FKBP15: variants seen among roughly 807,000 people sequenced by gnomAD.
FKBP15 encodes the protein FK506-binding protein 15.
Under a neutral mutation model 158.1 loss-of-function variants are expected in FKBP15, and 106 were observed. The ratio of observed to expected loss-of-function variants is 0.67; its 90% CI spans 0.57 to 0.79. The LOEUF is 0.79. Ranked by LOEUF, FKBP15 falls within the 30% of genes least tolerant of loss-of-function variation. FKBP15 has a pLI of 0.00. For missense variants in FKBP15, 1,287 were observed against 1,479.1 expected (o/e 0.87, Z 2.13); for synonymous variants, 547 against 548.6 (o/e 1.00, Z 0.04).
chr9:113,182,028 A>G (rs1448289156), intron 19 of FKBP15, among the ~76,000 whole-genome samples: 1 of 152,258 alleles, frequency 6.6e-6, no homozygotes, highest in Non-Finnish European at 1.5e-5. Context: ...AAAGATTAGC[A>G]TAAGACATAG....
At position 113,187,881 on chromosome 9, in the gene FKBP15, G is replaced by A; in HGVS notation, c.1295C>T (p.Thr432Ile). The stretch of plus-strand genomic sequence containing the variant: ...GGCAGCAGAAGGTGCCTGGAGCCCA[G>A]TAACAGATGGCTGAGGTGCTAAGAT... ...MTSQAPQPSV[T>I]GLQAPSAALM... is the part of the protein sequence containing the mutation. The change falls in exon 14 of 28, where the codon ACT (threonine) becomes ATT (isoleucine). Residue 432 changes from threonine (T) to isoleucine (I), a missense_variant. By Grantham distance (89) the Thr-to-Ile change is moderately conservative. Coordinates refer to ENST00000238256, the MANE Select transcript of FKBP15 (RefSeq NM_015258.2). 6.2e-7 allele frequency: 1 copy of A among 1,613,814 alleles called. No homozygotes were observed. Among genetic ancestry groups the A allele is most frequent in the Non-Finnish European group, 8.5e-7 (1 of 1,179,736 alleles).
Position 113,162,490 on chromosome 9 carries a change from C to T in FKBP15, c.*3588G>A. ...ATCAGAAAGACAGATTATAGATACC[C>T]TCATTTTCCCCTTTGCCTAGGATGC... On this transcript the variant is annotated 3_prime_UTR_variant, in exon 28 of 28. Transcript: ENST00000238256. 2.9e-6 allele frequency: 1 copy of T among 348,094 alleles called. No individual in the cohort carries two copies. The highest frequency in any genetic ancestry group is 4.7e-5 in the Admixed American group (1 of 21,114). The allele number at this position is 348,094 out of a possible 1,614,324, so 21.6% of individuals were successfully genotyped here.
chr9:113,162,691 C>T lies in FKBP15; in HGVS notation c.*3387G>A. The T allele has an allele frequency of 6.6e-7, 1 of 1,513,670 alleles. No individual in the cohort carries two copies. The highest frequency in any genetic ancestry group is 9.0e-7 in the Non-Finnish European group (1 of 1,110,910). The allele number at this position is 1,513,670 out of a possible 1,614,324, so 93.8% of individuals were successfully genotyped here. A position where few individuals can be genotyped will look rare whatever the true frequency, so the allele number is the denominator to read the frequency against. ...GCTTTCTACTCCCTGATATCTACTC[C>T]CAGCTTCCTCATTACCAGCTCATTA... is the stretch of plus-strand genomic sequence containing the variant. On this transcript the variant is annotated 3_prime_UTR_variant, in exon 28 of 28. Coordinates refer to ENST00000238256, the MANE Select transcript of FKBP15 (RefSeq NM_015258.2).
At position 113,182,982 on chromosome 9, in the gene FKBP15, G is replaced by C; in HGVS notation, c.1812-114C>G. On this transcript the variant is annotated intron_variant, in intron 18 of 27. Coordinates refer to ENST00000238256, the MANE Select transcript of FKBP15 (RefSeq NM_015258.2). ...TTGCTGCTCTATACCTTTGTCAAAA[G>C]CAATTTGAAAGCATTTTCTTTTCCT... The C allele has an allele frequency of 4.6e-6, 4 of 862,204 alleles. No individual in the cohort carries two copies. In the South Asian group the frequency reaches 6.0e-5, roughly 13 times the overall value. 53.4% of individuals were successfully genotyped at this position (862,204 alleles called of 1,614,324 possible). A position where few individuals can be genotyped will look rare whatever the true frequency, so the allele number is the denominator to read the frequency against.
intron 3 of FKBP15, 62 bp downstream of exon 3, chr9:113,207,150 A>ATGT: frequency 9.1e-7 from 1 of 1,100,094 alleles, no homozygotes; most frequent in Non-Finnish European, 1.3e-6. Context: ...TTTCGAGAAA[A>ATGT]AGTAGCTTAA....
chr9:113,199,286 A>G (rs1830742862), intron 7 of FKBP15, among the ~76,000 whole-genome samples: 1 of 152,234 alleles, frequency 6.6e-6, no homozygotes, highest in Non-Finnish European at 1.5e-5. Context: ...ATGGAAAAAA[A>G]TAAGAGTATA....
Position 113,162,536 on chromosome 9 carries a change from G to T in FKBP15, c.*3542C>A. Reference sequence around the variant, plus strand: ...GATGCCAGGAAGCTTGAAACCAAATGTAGTGAAGATATGTCTCTTTAAAAA... The same window carrying T: ...GATGCCAGGAAGCTTGAAACCAAATTTAGTGAAGATATGTCTCTTTAAAAA... On this transcript the variant is annotated 3_prime_UTR_variant, in exon 28 of 28. Coordinates refer to ENST00000238256, the MANE Select transcript of FKBP15 (RefSeq NM_015258.2). 1 of 411,116 alleles carries T rather than the reference G, an allele frequency of 2.4e-6. No individual in the cohort carries two copies. Among genetic ancestry groups the T allele is most frequent in the Non-Finnish European group, 4.2e-6 (1 of 238,018 alleles). The allele number at this position is 411,116 out of a possible 1,614,324, so 25.5% of individuals were successfully genotyped here.
Position 113,169,798 on chromosome 9 carries a change from G to A in FKBP15, c.2911C>T (p.Pro971Ser). Residue 971 changes from proline (P) to serine (S), a missense_variant, in exon 26 of 28, where the codon CCC becomes TCC. Physicochemically the swap from Pro to Ser is moderately conservative, Grantham distance 74. Transcript: ENST00000238256. ...ASASSGQPQA[P>S]LNRERPESPM... ...GACTCTGGCCTCTCCCTATTCAGGG[G>A]TGCTTGAGGCTGCCCAGAACTGGCT... The A allele has an allele frequency of 6.3e-7, 1 of 1,583,944 alleles. No individual in the cohort carries two copies. The highest frequency in any genetic ancestry group is 8.6e-7 in the Non-Finnish European group (1 of 1,164,386).
rs1830754870 is a variant in FKBP15, at chr9:113,199,850, A to G, written c.612T>C (p.Tyr204=). The G allele has an allele frequency of 1.2e-6, 2 of 1,613,206 alleles. No homozygotes were observed. The highest frequency in any genetic ancestry group is 1.7e-6 in the Non-Finnish European group (2 of 1,179,574). Residue 204 remains tyrosine, a synonymous_variant, in exon 7 of 28, where the codon TAT becomes TAC. Transcript: ENST00000238256. ...CATGATTCTGAAAGAGCCAGCCGGTATAGGCCACTTCCAAAGAATCTCCAA... is the reference window on the plus strand; with the variant it reads ...CATGATTCTGAAAGAGCCAGCCGGTGTAGGCCACTTCCAAAGAATCTCCAA... ...VEVGDSLEVA[Y]TGWLFQNHVL... is the part of the protein sequence containing the mutation.
chr9:113,178,852 C>T, intron 19 of FKBP15, 51 bp from the exon 20 acceptor site: 1 of 1,519,710 alleles, frequency 6.6e-7, no homozygotes, highest in Admixed American at 2.0e-5. Flanking sequence ...GTTCTCCATG[C>T]AGGTGATGAA....
At chr9:113,219,641 T>G (rs1831209381) in intron 1 of FKBP15, among the ~76,000 whole-genome samples, 1 of 152,232 alleles carries the variant, frequency 6.6e-6, no homozygotes, top group African/African-American at 2.4e-5. Context: ...AAAAGAATAG[T>G]TGAGCCACCA....
intron 3 of FKBP15, 36 bp from the exon 4 acceptor site, chr9:113,206,614 T>A: frequency 6.5e-7 from 1 of 1,537,876 alleles, no homozygotes; most frequent in Non-Finnish European, 9.0e-7. Flanking sequence ...TATTAATACT[T>A]CCCTAAATTC....
chr9:113,168,324 G>T, intron 27 of FKBP15, 136 bp downstream of exon 27: 16 of 648,836 alleles, frequency 2.5e-5, no homozygotes, highest in Non-Finnish European at 3.2e-5. Context: ...CCAGCCCCAA[G>T]CCTGCTCCCA....
intron 4 of FKBP15, 76 bp from the exon 5 acceptor site, chr9:113,203,111 T>A: frequency 1.0e-6 from 1 of 991,778 alleles, no homozygotes; most frequent in Non-Finnish European, 1.5e-6. Context: ...AAATCAGCAA[T>A]ATAAAATCAG....
intron 24 of FKBP15, 119 bp downstream of exon 24, chr9:113,171,462 A>G: frequency 7.8e-7 from 1 of 1,288,426 alleles, no homozygotes; most frequent in Non-Finnish European, 1.1e-6. Flanking sequence ...TTTTAAAGTC[A>G]TCAGACAAGT....
intron 3 of FKBP15, chr9:113,206,865 C>T (rs550638554): frequency 8.4e-5 from 36 of 426,072 alleles, no homozygotes; most frequent in South Asian, 5.8e-4. Flanking sequence ...TACAGGAGTG[C>T]GCCACCGCAC....
At chr9:113,211,283 C>T (rs1269761287) in intron 2 of FKBP15, among the ~76,000 whole-genome samples, 194 bp downstream of exon 2, 1 of 152,128 alleles carries the variant, frequency 6.6e-6, no homozygotes, top group East Asian at 1.9e-4. Context: ...CTCAGCCCCC[C>T]TAGTAGCTGG....
chr9:113,178,727 T>G lies in FKBP15; in HGVS notation c.1989A>C (p.Gln663His), dbSNP rs946814941. 6.2e-7 allele frequency: 1 copy of G among 1,609,174 alleles called. No homozygotes were observed. The highest frequency in any genetic ancestry group is 8.5e-7 in the Non-Finnish European group (1 of 1,177,756). Residue 663 changes from glutamine to histidine, a missense_variant, in exon 20 of 28, where the codon CAA becomes CAC. Physicochemically the swap from Gln to His is conservative, Grantham distance 24 (BLOSUM62 0). Transcript: ENST00000238256. ...SHLQLKMTAHQKKETELQMQL... is the reference protein window; with the variant it reads ...SHLQLKMTAHHKKETELQMQL... ...GCATCTGCAGCTCTGTTTCCTTTTT[T>G]TGGTGAGCAGTCATTTTCAGCTGCA...
At chr9:113,172,910 C>T (rs1830239791) in intron 23 of FKBP15, among the ~76,000 whole-genome samples, 1 of 152,182 alleles carries the variant, frequency 6.6e-6, no homozygotes, top group South Asian at 2.1e-4. Flanking sequence ...GATGATCCCA[C>T]CACACCCCAG....
Sources: gnomAD v4.1 joint callset for allele counts (sites outside exome capture counted in the v4.1 genomes callset) on GRCh38, gnomAD v4.1.1 for gene constraint, MANE v1.5 for transcripts, NCBI Gene and HGNC (gene_info 2026-07-23, HGNC 2026-07-21) for gene names.